The following CAMK1D variants were observed in gnomAD, a reference collection of about 807,000 sequenced individuals.
CAMK1D encodes the protein calcium/calmodulin-dependent protein kinase type 1D.
Under a neutral mutation model 47.7 loss-of-function variants are expected in CAMK1D, and 9 were observed. The ratio of observed to expected loss-of-function variants is 0.19; its 90% CI spans 0.11 to 0.33. The LOEUF is 0.33. Among genes scored for constraint, CAMK1D ranks in the 10% least tolerant of loss-of-function variants. CAMK1D has a pLI of 1.00. For missense variants in CAMK1D, 291 were observed against 488.7 expected (o/e 0.60, Z 3.81); for synonymous variants, 184 against 184.9 (o/e 0.99, Z 0.04).
At chr10:12,358,286 A>G (rs1477348920) in intron 1 of CAMK1D, among the ~76,000 whole-genome samples, 1 of 152,172 alleles carries the variant, frequency 6.6e-6, no homozygotes. Flanking sequence ...GCCTGTAATC[A>G]TAGCACTTTG....
chr10:12,521,472 T>G (rs1400982916), intron 1 of CAMK1D, among the ~76,000 whole-genome samples: 2 of 152,202 alleles, frequency 1.3e-5, no homozygotes, highest in Non-Finnish European at 2.9e-5. Context: ...ACTTTGTGAT[T>G]TTTTTTAATT....
chr10:12,809,850 C>T (rs1311854041), intron 6 of CAMK1D, among the ~76,000 whole-genome samples: 2 of 152,068 alleles, frequency 1.3e-5, no homozygotes, highest in Non-Finnish European at 2.9e-5. Context: ...CTGTAGTGTA[C>T]ACTTAAAGAT....
At position 12,458,383 on chromosome 10, in the gene CAMK1D, C is replaced by T. The variant is rs189152643; in HGVS notation, c.93-94842C>T. On this transcript the variant is annotated intron_variant, in intron 1 of 10. Transcript: ENST00000619168. ...GGACGTTCATTGCTGATACATATTC[C>T]TATGTGTTCATCATGCATTTGCAAA... 4.3e-4 allele frequency among the ~76,000 whole-genome samples: 66 copies of T among 152,248 alleles called. 1 individual carries two copies. The highest frequency in any genetic ancestry group is 3.4e-3 in the Middle Eastern group (1 of 294).
chr10:12,385,849 C>T lies in CAMK1D; in HGVS notation c.92+35939C>T, dbSNP rs576480695. 1.5e-4 allele frequency among the ~76,000 whole-genome samples: 22 copies of T among 150,210 alleles called. No homozygotes were observed. The East Asian group carries it at 1.8e-3, about 12-fold the overall frequency. ...GCAACCTCCACCACCTGGGTTCAAG[C>T]GATTCTCTTGCCTCAGCCTCTCAAG... On this transcript the variant is annotated intron_variant, in intron 1 of 10. Transcript: ENST00000619168.
intron 1 of CAMK1D, among the ~76,000 whole-genome samples, chr10:12,513,861 C>G (rs1422894043): frequency 1.3e-5 from 2 of 152,114 alleles, no homozygotes; most frequent in Admixed American, 1.3e-4. Context: ...GTGCATTATC[C>G]AGTGTTTAGA....
At position 12,801,354 on chromosome 10, in the gene CAMK1D, T is replaced by TCTATCTTATCTATC. The variant is rs57429397; in HGVS notation, c.641+10121_641+10122insCTATCTTATCTATC. Among the ~76,000 whole-genome samples the TCTATCTTATCTATC allele has an allele frequency of 4.5e-5, 3 of 66,490 alleles. No homozygotes were observed. In the Admixed American group the frequency reaches 5.1e-4, roughly 11 times the overall value. The allele number at this position is 66,490 out of a possible 152,430, so 43.6% of individuals were successfully genotyped here. A position where few individuals can be genotyped will look rare whatever the true frequency, so the allele number is the denominator to read the frequency against. On this transcript the variant is annotated intron_variant, in intron 6 of 10. Transcript: ENST00000619168. ...CTATCTATCTATCTATCTATCTATC[T>TCTATCTTATCTATC]TATCTATCTATCTATCTATCTATCT...
intron 6 of CAMK1D, among the ~76,000 whole-genome samples, chr10:12,795,898 G>A (rs1267422737): frequency 6.6e-6 from 1 of 152,220 alleles, no homozygotes; most frequent in Non-Finnish European, 1.5e-5. Context: ...TATGCTGCCA[G>A]GAAGGGCTGA....
intron 1 of CAMK1D, among the ~76,000 whole-genome samples, chr10:12,485,070 G>A (rs1021706608): frequency 1.3e-5 from 2 of 152,226 alleles, no homozygotes; most frequent in African/African-American, 2.4e-5. Flanking sequence ...AAGGAAAGTC[G>A]CCTTCACGTC....
chr10:12,509,027 C>A (rs530315420), intron 1 of CAMK1D, among the ~76,000 whole-genome samples: 1 of 152,186 alleles, frequency 6.6e-6, no homozygotes, highest in African/African-American at 2.4e-5. Context: ...GTATAAATCA[C>A]CTTGGAGAGG....
chr10:12,682,607 T>C (rs1248220867), intron 3 of CAMK1D, among the ~76,000 whole-genome samples: 1 of 152,218 alleles, frequency 6.6e-6, no homozygotes, highest in African/African-American at 2.4e-5. Flanking sequence ...GTTAAAAATA[T>C]TATGATCAGT....
intron 3 of CAMK1D, among the ~76,000 whole-genome samples, chr10:12,721,930 G>A (rs777571945): frequency 3.9e-5 from 6 of 152,082 alleles, no homozygotes; most frequent in Admixed American, 6.5e-5. Flanking sequence ...GAAACCCCTC[G>A]CTGCCTTCTA....
At position 12,818,437 on chromosome 10, in the gene CAMK1D, A is replaced by T. The variant is rs560038913; in HGVS notation, c.833+2109A>T. Among the ~76,000 whole-genome samples the T allele has an allele frequency of 5.5e-4, 83 of 152,266 alleles. No individual in the cohort carries two copies. The South Asian group carries it at 0.011, about 21-fold the overall frequency. On this transcript the variant is annotated intron_variant, in intron 8 of 10. Coordinates refer to ENST00000619168, the MANE Select transcript of CAMK1D (RefSeq NM_153498.4). ...TGTAATCCCAGCACTTTGGGAGGCC[A>T]AGGCGGGTAGGTCACTTGAGGTTAG...
intron 3 of CAMK1D, among the ~76,000 whole-genome samples, chr10:12,734,055 C>T (rs967761059): frequency 9.2e-5 from 14 of 151,738 alleles, no homozygotes; most frequent in African/African-American, 3.4e-4. Context: ...AGGCCGGGTG[C>T]CGTGGCTCCT....
intron 1 of CAMK1D, among the ~76,000 whole-genome samples, chr10:12,549,475 A>G (rs1389823440): frequency 6.6e-6 from 1 of 152,210 alleles, no homozygotes; most frequent in African/African-American, 2.4e-5. Context: ...GATTGTTGCC[A>G]CCACGTGGCT....
chr10:12,464,412 T>C (rs991638051), intron 1 of CAMK1D, among the ~76,000 whole-genome samples: 1 of 152,202 alleles, frequency 6.6e-6, no homozygotes. Flanking sequence ...GCAAGGCTGA[T>C]GCTCTCAGAA....
intron 1 of CAMK1D, among the ~76,000 whole-genome samples, chr10:12,417,829 C>T (rs1303391192): frequency 6.6e-6 from 1 of 150,804 alleles, no homozygotes; most frequent in African/African-American, 2.4e-5. Context: ...TGAGATGGAG[C>T]CTCACTCTGT....
chr10:12,408,963 C>T (rs1309608283), intron 1 of CAMK1D, among the ~76,000 whole-genome samples: 4 of 150,744 alleles, frequency 2.7e-5, no homozygotes, highest in Admixed American at 1.3e-4. Flanking sequence ...AAGCAATTCT[C>T]CTGCCTCAGC....
At chr10:12,446,443 T>C (rs542238760) in intron 1 of CAMK1D, among the ~76,000 whole-genome samples, 1 of 152,284 alleles carries the variant, frequency 6.6e-6, no homozygotes, top group African/African-American at 2.4e-5. Context: ...CGTCGCCATC[T>C]TGGTTTTGGT....
chr10:12,708,296 G>A (rs1021739401), intron 3 of CAMK1D, among the ~76,000 whole-genome samples: 2 of 150,902 alleles, frequency 1.3e-5, no homozygotes, highest in African/African-American at 4.8e-5. Flanking sequence ...CGACTGATAC[G>A]TTTACATGCT....
Sources: allele counts gnomAD v4.1 joint callset (sites outside exome capture counted in the v4.1 genomes callset), GRCh38; gene constraint gnomAD v4.1.1; transcripts MANE v1.5; gene names NCBI Gene and HGNC (gene_info 2026-07-23, HGNC 2026-07-21).